NLGN1: variants seen among roughly 807,000 people sequenced by gnomAD.
NLGN1 encodes neuroligin-1.
NLGN1 carries 12 observed loss-of-function variants against 65.5 expected under a neutral mutation model. The ratio of observed to expected loss-of-function variants is 0.18; its 90% CI spans 0.12 to 0.30. The LOEUF is 0.30. Among genes scored for constraint, NLGN1 ranks in the 10% least tolerant of loss-of-function variants. The pLI is 1.00. For missense variants in NLGN1, 750 were observed against 1,007.1 expected (o/e 0.74, Z 3.46); for synonymous variants, 350 against 359.5 (o/e 0.97, Z 0.30).
At chr3:173,509,140 T>C (rs1291945429) in intron 2 of NLGN1, among the ~76,000 whole-genome samples, 1 of 152,170 alleles carries the variant, frequency 6.6e-6, no homozygotes. Context: ...CTTATTGTTA[T>C]AAAGTCTCCT....
rs144613805 is a variant in NLGN1, at chr3:173,743,116, T to C, written c.494-64564T>C. Reference sequence around the variant, plus strand: ...TGCATGGAACAGCTATTGAGACCTTTCTCTTGATGGAAGTTTTCTACTGTT... The same window carrying C: ...TGCATGGAACAGCTATTGAGACCTTCCTCTTGATGGAAGTTTTCTACTGTT... On this transcript the variant is annotated intron_variant, in intron 3 of 6. Transcript: ENST00000457714. 1.1e-3 allele frequency among the ~76,000 whole-genome samples: 171 copies of C among 152,226 alleles called. 1 individual carries two copies. Among genetic ancestry groups the C allele is most frequent in the Middle Eastern group, 0.01 (3 of 294 alleles).
intron 4 of NLGN1, among the ~76,000 whole-genome samples, chr3:174,250,819 T>C (rs1295629371): frequency 6.6e-6 from 1 of 152,164 alleles, no homozygotes; most frequent in Admixed American, 6.5e-5. Context: ...TCACCCTTTC[T>C]ACCCTTAGAG....
chr3:173,539,611 A>G (rs1407686300), intron 2 of NLGN1, among the ~76,000 whole-genome samples: 1 of 131,636 alleles, frequency 7.6e-6, no homozygotes, highest in East Asian at 2.3e-4. Flanking sequence ...TATGTATGTT[A>G]TATATTATAT....
chr3:173,917,693 G>T (rs1741017670), intron 4 of NLGN1, among the ~76,000 whole-genome samples: 1 of 152,162 alleles, frequency 6.6e-6, no homozygotes, highest in South Asian at 2.1e-4. Context: ...CTAAGCCAAA[G>T]GTAAGGCAGA....
intron 4 of NLGN1, among the ~76,000 whole-genome samples, chr3:174,046,723 T>A (rs2152497142): frequency 6.6e-6 from 1 of 152,234 alleles, no homozygotes; most frequent in South Asian, 2.1e-4. Flanking sequence ...TGCCTATTTA[T>A]AAAATTAAGA....
intron 1 of NLGN1, among the ~76,000 whole-genome samples, chr3:173,427,989 C>G (rs562206321): frequency 6.6e-6 from 1 of 151,530 alleles, no homozygotes; most frequent in Admixed American, 6.6e-5. Flanking sequence ...TTTTTGTGAT[C>G]CAGTGTTGGA....
intron 4 of NLGN1, among the ~76,000 whole-genome samples, chr3:174,002,302 A>G (rs143055237): frequency 1.3e-5 from 2 of 152,054 alleles, no homozygotes; most frequent in African/African-American, 2.4e-5. Flanking sequence ...TGATTTTTGT[A>G]TTTTTAGTAG....
At chr3:174,141,165 TAC>T (rs1355540859) in intron 4 of NLGN1, among the ~76,000 whole-genome samples, 1 of 152,178 alleles carries the variant, frequency 6.6e-6, no homozygotes, top group Non-Finnish European at 1.5e-5. Context: ...TAATAGTTTT[TAC>T]ACTGTTTTAT....
At chr3:173,572,314 G>A (rs1241271267) in intron 2 of NLGN1, among the ~76,000 whole-genome samples, 2 of 152,222 alleles carry the variant, frequency 1.3e-5, no homozygotes. Flanking sequence ...CAACCATAGG[G>A]AGAACCACTA....
intron 3 of NLGN1, among the ~76,000 whole-genome samples, chr3:173,682,759 A>G (rs1764128289): frequency 6.6e-6 from 1 of 152,172 alleles, no homozygotes; most frequent in Admixed American, 6.5e-5. Context: ...TAACTCCCAC[A>G]TGCTTAGTGT....
intron 3 of NLGN1, among the ~76,000 whole-genome samples, chr3:173,642,341 G>A (rs113326471): frequency 6.4e-4 from 98 of 152,202 alleles, no homozygotes; most frequent in Middle Eastern, 3.4e-3. Flanking sequence ...GAATCTAGCC[G>A]ACTCTCAGGA....
chr3:173,681,648 G>T (rs1763963783), intron 3 of NLGN1, among the ~76,000 whole-genome samples: 2 of 152,124 alleles, frequency 1.3e-5, no homozygotes, highest in Non-Finnish European at 2.9e-5. Flanking sequence ...CCCTGATTAA[G>T]CACTTGGGCT....
intron 3 of NLGN1, among the ~76,000 whole-genome samples, chr3:173,769,429 C>T (rs1318785199): frequency 6.6e-6 from 1 of 152,068 alleles, no homozygotes; most frequent in Non-Finnish European, 1.5e-5. Flanking sequence ...ATATGAGGGC[C>T]ATGTGTTTCC....
intron 4 of NLGN1, among the ~76,000 whole-genome samples, chr3:173,878,364 T>C (rs1286856023): frequency 6.6e-6 from 1 of 152,146 alleles, no homozygotes; most frequent in Non-Finnish European, 1.5e-5. Context: ...ATAATATTGT[T>C]TTGCAGCAGG....
chr3:173,735,327 C>T (rs1179830466), intron 3 of NLGN1, among the ~76,000 whole-genome samples: 1 of 152,074 alleles, frequency 6.6e-6, no homozygotes, highest in Non-Finnish European at 1.5e-5. Context: ...CTCCCTTGCA[C>T]ATGGAACTAC....
chr3:174,273,381 G>T (rs1749856459), intron 4 of NLGN1, among the ~76,000 whole-genome samples: 2 of 151,500 alleles, frequency 1.3e-5, no homozygotes. Context: ...ATTGTTTTCA[G>T]AGTTCATGCC....
intron 4 of NLGN1, among the ~76,000 whole-genome samples, chr3:173,995,572 A>G (rs1232390783): frequency 1.3e-5 from 2 of 152,068 alleles, no homozygotes; most frequent in Non-Finnish European, 2.9e-5. Context: ...TGAAGAGGGA[A>G]TTAGGGAAAA....
chr3:174,186,730 T>G (rs937399869), intron 4 of NLGN1, among the ~76,000 whole-genome samples: 4 of 152,064 alleles, frequency 2.6e-5, no homozygotes, highest in African/African-American at 9.7e-5. Flanking sequence ...AAATTATACT[T>G]GTCATTCTAA....
chr3:174,073,558 C>G (rs996046241), intron 4 of NLGN1, among the ~76,000 whole-genome samples: 7 of 152,050 alleles, frequency 4.6e-5, no homozygotes, highest in Non-Finnish European at 1.0e-4. Context: ...AGTTCTTTTC[C>G]TTCTAAAAGT....
Sources: gnomAD v4.1 joint callset for allele counts (sites outside exome capture counted in the v4.1 genomes callset) on GRCh38, gnomAD v4.1.1 for gene constraint, MANE v1.5 for transcripts, NCBI Gene and HGNC (gene_info 2026-07-23, HGNC 2026-07-21) for gene names.